Variants in VPS25 observed in about 807,000 individuals in gnomAD.
The protein encoded by VPS25 is vacuolar protein sorting 25 homolog.
A neutral mutation model predicts 30.3 loss-of-function variants in VPS25; 21 were observed. The ratio of observed to expected loss-of-function variants is 0.69; its 90% confidence interval spans 0.49 to 1.00. VPS25 has a LOEUF of 1.00. VPS25 is among the 50% of genes least tolerant of loss of function. The pLI is 0.00. For missense variants in VPS25, 156 were observed against 217.2 expected (o/e 0.72, Z 1.77); for synonymous variants, 101 against 88.1 (o/e 1.15, Z -0.82).
rs1249841964 is a variant in VPS25 at position 42,775,403 on chromosome 17, G to T, written c.276G>T (p.Lys92Asn). ...RKKGNLEWLD[K>N]SKSSFLIMWR... Reference sequence around the variant, plus strand: ...CAGGGAACCTCGAGTGGTTGGATAAGAGCAAGTCCAGCTTCCTGATCATGT... The same window carrying T: ...CAGGGAACCTCGAGTGGTTGGATAATAGCAAGTCCAGCTTCCTGATCATGT... Residue 92 changes from lysine (K) to asparagine (N), a missense_variant, in exon 4 of 6, where the codon AAG (lysine) becomes AAT (asparagine). Lys to Asn is a moderately conservative substitution (Grantham distance 94, BLOSUM62 0). Transcript: ENST00000253794. The T allele has an allele frequency of 1.2e-6, 2 of 1,614,110 alleles. No homozygotes were observed. Among genetic ancestry groups the T allele is most frequent in the African/African-American group, 1.3e-5 (1 of 75,054 alleles).
chr17:42,775,076 A>C (rs2054428871), intron 3 of VPS25: 4 of 369,886 alleles, frequency 1.1e-5, no homozygotes, highest in Non-Finnish European at 2.0e-5. Flanking sequence ...ATAAGGTCTC[A>C]CTCTGTCATC....
Position 42,779,009 on chromosome 17 carries a change from G to A in VPS25, c.471G>A (p.Gln157=), listed in dbSNP as rs1438994703. The A allele has an allele frequency of 6.2e-7, 1 of 1,612,144 alleles. No homozygotes were observed. Among genetic ancestry groups the A allele is most frequent in the Non-Finnish European group, 8.5e-7 (1 of 1,179,314 alleles). The change falls in exon 6 of 6, where the codon CAG becomes CAA. Residue 157 remains glutamine, a synonymous_variant. Transcript: ENST00000253794. ...TACTGCGGGCTCTGCAGGCCCTACA[G>A]CAGGAGCACAAGGCCGAGATCATCA... ...ATLLRALQAL[Q]QEHKAEIITV...
intron 3 of VPS25, 134 bp from the exon 4 acceptor site, chr17:42,775,247 A>T: frequency 1.6e-6 from 1 of 626,912 alleles, no homozygotes; most frequent in Non-Finnish European, 2.8e-6. Context: ...ATTTTTTTGT[A>T]TTTTCTGTAG....
chr17:42,776,709 G>A (rs1347822410), intron 5 of VPS25, among the ~76,000 whole-genome samples: 2 of 146,356 alleles, frequency 1.4e-5, no homozygotes, highest in African/African-American at 5.1e-5. Context: ...ATCCCAGGCT[G>A]GAGTGCAGTG....
At position 42,774,599 on chromosome 17, in the gene VPS25, T is replaced by A. The variant is rs758637286; in HGVS notation, c.200-47T>A. The stretch of plus-strand genomic sequence containing the variant: ...ACATGGGACTGGCTCTGAAAATTTT[T>A]ATCCTACCCAACTCATGTGTATGCC... On this transcript the variant is annotated intron_variant, in intron 2 of 5. Transcript: ENST00000253794. The A allele has an allele frequency of 2.5e-6, 4 of 1,578,464 alleles. No homozygotes were observed. The South Asian group carries it at 3.4e-5, about 13-fold the overall frequency.
chr17:42,773,838 A>C lies in VPS25; in HGVS notation c.159A>C (p.Glu53Asp). 1 of 1,614,020 alleles carries C rather than the reference A, an allele frequency of 6.2e-7. No homozygotes were observed. Among genetic ancestry groups the C allele is most frequent in the Non-Finnish European group, 8.5e-7 (1 of 1,180,036 alleles). Residue 53 changes from glutamate (E) to aspartate (D), a missense_variant, in exon 2 of 6, where the codon GAA (glutamate) becomes GAC (aspartate). Transcript: ENST00000253794. ...LHKQSSMTVMEAQESPLFNNV... is the reference protein window; with the variant it reads ...LHKQSSMTVMDAQESPLFNNV... Reference sequence around the variant, plus strand: ...AACAGTCCAGCATGACGGTGATGGAAGCTCAGGAGAGCCCGCTCTTCAACA... The same window carrying C: ...AACAGTCCAGCATGACGGTGATGGACGCTCAGGAGAGCCCGCTCTTCAACA...
At chr17:42,778,261 G>A (rs1414464432) in intron 5 of VPS25, among the ~76,000 whole-genome samples, 3 of 152,010 alleles carry the variant, frequency 2.0e-5, no homozygotes, top group Admixed American at 2.0e-4. Context: ...TCTTGACACT[G>A]CAACCTCCAC....
chr17:42,773,995 A>G (rs777358051), intron 2 of VPS25, 117 bp downstream of exon 2: 16 of 1,252,212 alleles, frequency 1.3e-5, no homozygotes, highest in Non-Finnish European at 1.5e-5. Flanking sequence ...ATTCCCACCC[A>G]AACTGGACTT....
chr17:42,775,533 C>A, intron 4 of VPS25, 64 bp downstream of exon 4: 1 of 1,358,428 alleles, frequency 7.4e-7, no homozygotes, highest in Non-Finnish European at 1.0e-6. Context: ...TATATTAGGG[C>A]CTAGCAGATA....
Position 42,774,712 on chromosome 17 carries a change from C to G in VPS25, c.253+13C>G, listed in dbSNP as rs368134607. The G allele has an allele frequency of 2.5e-6, 4 of 1,608,892 alleles. No homozygotes were observed. The highest frequency in any genetic ancestry group is 2.2e-5 in the East Asian group (1 of 44,858). ...CTGAGGAAGAAAGGTGGGTTCAGTT[C>G]CCCAGATTCCTTATTTTTCTTCCTA... On this transcript the variant is annotated intron_variant, in intron 3 of 5. Transcript: ENST00000253794.
rs945297754 is a variant in VPS25, at chr17:42,777,253, G to A, written c.418+933G>A. On this transcript the variant is annotated intron_variant, in intron 5 of 5. Transcript: ENST00000253794. Reference sequence around the variant, plus strand: ...CAATAGGCCGGGTGCAGTGGCTCACGCCTGTAATCCCAGCACTTTGGGAGG... The same window carrying A: ...CAATAGGCCGGGTGCAGTGGCTCACACCTGTAATCCCAGCACTTTGGGAGG... Among the ~76,000 whole-genome samples, 3 of 152,138 alleles carry A rather than the reference G, an allele frequency of 2.0e-5. No individual in the cohort carries two copies. The South Asian group carries it at 6.2e-4, about 31-fold the overall frequency.
rs2054456766 is a variant in VPS25, at chr17:42,779,410, C to G, written c.*341C>G. The G allele has an allele frequency of 4.6e-6, 1 of 216,236 alleles. No individual in the cohort carries two copies. The highest frequency in any genetic ancestry group is 7.4e-5 in the South Asian group (1 of 13,526). 13.4% of individuals were successfully genotyped at this position (216,236 alleles called of 1,614,324 possible). On this transcript the variant is annotated 3_prime_UTR_variant, in exon 6 of 6. Transcript: ENST00000253794. Reference sequence around the variant, plus strand: ...ATGCGCCTGCAGCACATGCTTCTGTCTCCTCCTCCTCCCACCCCTTTAGCT... The same window carrying G: ...ATGCGCCTGCAGCACATGCTTCTGTGTCCTCCTCCTCCCACCCCTTTAGCT...
In VPS25 at chr17:42,773,462, C is replaced by T. The variant is rs2054419895; in HGVS notation, c.-14C>T. On this transcript the variant is annotated 5_prime_UTR_variant, in exon 1 of 6. Transcript: ENST00000253794. ...TCCTTAGCCGGTAGCTTCCGGGTTTCCTGGGCTACTACGATGGCGATGAGT... is the reference window on the plus strand; with the variant it reads ...TCCTTAGCCGGTAGCTTCCGGGTTTTCTGGGCTACTACGATGGCGATGAGT... 1 of 1,614,050 alleles carries T rather than the reference C, an allele frequency of 6.2e-7. No homozygotes were observed. Among genetic ancestry groups the T allele is most frequent in the Non-Finnish European group, 8.5e-7 (1 of 1,180,040 alleles).
chr17:42,777,230 A>G (rs2054441092), intron 5 of VPS25, among the ~76,000 whole-genome samples: 1 of 150,070 alleles, frequency 6.7e-6, no homozygotes, highest in Admixed American at 6.6e-5. Flanking sequence ...AAAAATAACA[A>G]TAGGCCGGGT....
In VPS25 at chr17:42,773,773, G is replaced by C. The variant is rs938406227; in HGVS notation, c.94G>C (p.Ala32Pro). Residue 32 changes from alanine to proline, a missense_variant, in exon 2 of 6, where the codon GCC becomes CCC. By Grantham distance (27) the Ala-to-Pro change is conservative. Transcript: ENST00000253794. ...NVDTRQKQLA[A>P]WCSLVLSFCR... ...GGACACTCGGCAGAAGCAGCTGGCC[G>C]CCTGGTGCTCGCTGGTCCTGTCCTT... The C allele has an allele frequency of 1.9e-6, 3 of 1,614,086 alleles. No individual in the cohort carries two copies. The highest frequency in any genetic ancestry group is 2.7e-5 in the African/African-American group (2 of 75,052).
At chr17:42,778,076 C>A (rs915088414) in intron 5 of VPS25, among the ~76,000 whole-genome samples, 1 of 152,160 alleles carries the variant, frequency 6.6e-6, no homozygotes, top group Non-Finnish European at 1.5e-5. Flanking sequence ...GCTGAGCCCC[C>A]ACAGGGGGTG....
chr17:42,776,663 G>T (rs1868058), intron 5 of VPS25, among the ~76,000 whole-genome samples: 14,944 of 120,936 alleles, frequency 0.12, 1,054 homozygotes, highest in Non-Finnish European at 0.18. Flanking sequence ...TGCCCCGCCT[G>T]TTTTTTTTTT....
chr17:42,777,117 G>T (rs573600876), intron 5 of VPS25, among the ~76,000 whole-genome samples: 2 of 152,328 alleles, frequency 1.3e-5, no homozygotes, highest in African/African-American at 4.8e-5. Context: ...TACTCAGAAG[G>T]CTTAGGTGGG....
intron 5 of VPS25, among the ~76,000 whole-genome samples, chr17:42,777,928 G>T (rs1389717795): frequency 6.6e-6 from 1 of 152,112 alleles, no homozygotes; most frequent in African/African-American, 2.4e-5. Flanking sequence ...GCTCTTGGCT[G>T]TTCCCCCTGC....
Sources: gnomAD v4.1 joint callset for allele counts (sites outside exome capture counted in the v4.1 genomes callset) on GRCh38, gnomAD v4.1.1 for gene constraint, MANE v1.5 for transcripts, NCBI Gene and HGNC (gene_info 2026-07-23, HGNC 2026-07-21) for gene names.